ECPAS: variants seen among roughly 807,000 people sequenced by gnomAD.
The protein encoded by ECPAS is proteasome adapter and scaffold protein ECM29.
ECPAS carries 70 observed loss-of-function variants against 255.1 expected under a neutral mutation model. The observed-to-expected ratio is 0.27, with a 90% CI of 0.23 to 0.33. The LOEUF (loss-of-function observed/expected upper bound fraction) is 0.33, where lower values mean the gene tolerates loss of function less well. Among genes scored for constraint, ECPAS ranks in the 10% least tolerant of loss-of-function variants. ECPAS has a pLI of 1.00. For missense variants in ECPAS, 1,817 were observed against 2,206.4 expected, an observed-to-expected ratio of 0.82 and a Z score of 3.54; for synonymous variants, 784 against 775.0, an observed-to-expected ratio of 1.01 and a Z score of -0.19.
At chr9:111,423,800 T>C (rs2098217687) in intron 12 of ECPAS, among the ~76,000 whole-genome samples, 1 of 152,220 alleles carries the variant, frequency 6.6e-6, no homozygotes, top group Non-Finnish European at 1.5e-5. Flanking sequence ...TGAGGTTCTC[T>C]CCTCAAGATA....
chr9:111,407,271 G>A (rs189026762), intron 24 of ECPAS, among the ~76,000 whole-genome samples: 80 of 146,526 alleles, frequency 5.5e-4, no homozygotes, highest in South Asian at 2.8e-3. Flanking sequence ...GTGTGGTGGC[G>A]TGCGCTTGTA....
In ECPAS at chr9:111,416,313, C is replaced by T. The variant is rs984912694; in HGVS notation, c.1723G>A (p.Gly575Arg). The change falls in exon 18 of 50, where the codon GGG becomes AGG. Residue 575 changes from glycine (G) to arginine (R), a missense_variant. Transcript: ENST00000684092. ...GGGTTAAATGGAAGGACAGTGGTCC[C>T]GGTCATGTACTTGACTGGAGTTTTC... The part of the protein sequence containing the change: ...RMKTPVKYMT[G>R]TTVLPFNPAA... The T allele has an allele frequency of 5.0e-6, 8 of 1,613,602 alleles. No homozygotes were observed. Among genetic ancestry groups the T allele is most frequent in the Middle Eastern group, 1.7e-4 (1 of 6,060 alleles).
At chr9:111,372,281 A>C in intron 42 of ECPAS, 148 bp downstream of exon 42, 1 of 756,532 alleles carries the variant, frequency 1.3e-6, no homozygotes, top group Non-Finnish European at 2.2e-6. Context: ...AAATGGGATG[A>C]GCAATTTGGA....
Position 111,400,075 on chromosome 9 carries a change from G to A in ECPAS, c.2653-2922C>T, listed in dbSNP as rs754939728. On this transcript the variant is annotated intron_variant, in intron 24 of 49. Transcript: ENST00000684092. ...TGGAGAGACACTCCCTCTACCTGGG[G>A]GAGAGAGAGGGAAGAGAGCAAGAAA... Among the ~76,000 whole-genome samples the A allele has an allele frequency of 5.3e-5, 8 of 152,196 alleles. 1 individual carries two copies. Among genetic ancestry groups the A allele is most frequent in the Non-Finnish European group, 8.8e-5 (6 of 68,046 alleles).
intron 48 of ECPAS, among the ~76,000 whole-genome samples, chr9:111,364,623 T>C (rs772985092): frequency 6.6e-6 from 1 of 152,156 alleles, no homozygotes; most frequent in Non-Finnish European, 1.5e-5. Flanking sequence ...GAAGAAATTT[T>C]AAAGAAGAGA....
chr9:111,424,833 G>C (rs1391685286), intron 12 of ECPAS, among the ~76,000 whole-genome samples: 2 of 152,132 alleles, frequency 1.3e-5, no homozygotes, highest in Non-Finnish European at 2.9e-5. Flanking sequence ...TTGCACAATA[G>C]CTAGAAGTAG....
intron 24 of ECPAS, among the ~76,000 whole-genome samples, chr9:111,403,202 A>AAAG (rs2098178852): frequency 6.6e-6 from 1 of 151,560 alleles, no homozygotes; most frequent in South Asian, 2.1e-4. Context: ...AAAAAAAAAA[A>AAAG]AAAAAAAATT....
chr9:111,391,159 C>A (rs191915777), intron 29 of ECPAS, among the ~76,000 whole-genome samples: 8 of 152,254 alleles, frequency 5.3e-5, no homozygotes, highest in African/African-American at 1.9e-4. Context: ...AGCAGTTCCG[C>A]CCCTCCCTCA....
rs1008364531 is a variant in ECPAS, at chr9:111,470,225, G to C, written c.22+2672C>G. The stretch of plus-strand genomic sequence containing the variant: ...AGTCTGTCCCCCAAGGGCCCAGGCA[G>C]ATACCCTAATCTGGAAACCCTTGCA... On this transcript the variant is annotated intron_variant, in intron 2 of 49. Transcript: ENST00000684092. 3.2e-4 allele frequency among the ~76,000 whole-genome samples: 49 copies of C among 152,100 alleles called. 2 individuals carry two copies. The highest frequency in any genetic ancestry group is 4.4e-5 in the Non-Finnish European group (3 of 68,024).
intron 17 of ECPAS, 92 bp from the exon 18 acceptor site, chr9:111,416,444 C>T: frequency 1.1e-6 from 1 of 899,124 alleles, no homozygotes; most frequent in South Asian, 1.4e-5. Context: ...TTTCTAGCTA[C>T]ATGTCCTAAG....
At chr9:111,390,128 C>T (rs41316540) in intron 29 of ECPAS, 27 bp from the exon 30 acceptor site, 95,688 of 1,311,448 alleles carry the variant, frequency 0.073, 4,261 homozygotes, top group East Asian at 0.19. Flanking sequence ...AAGAGGTAGG[C>T]AATAATACAC....
intron 38 of ECPAS, among the ~76,000 whole-genome samples, chr9:111,374,696 G>A (rs572441168): frequency 1.3e-5 from 2 of 152,274 alleles, no homozygotes; most frequent in South Asian, 2.1e-4. Flanking sequence ...TGTTAAAAGG[G>A]TGGTAGGGGG....
intron 2 of ECPAS, among the ~76,000 whole-genome samples, chr9:111,464,788 G>C (rs1564563820): frequency 6.6e-6 from 1 of 152,026 alleles, no homozygotes; most frequent in Non-Finnish European, 1.5e-5. Context: ...GAGGGAAGGA[G>C]GGGAGGAGGA....
intron 35 of ECPAS, among the ~76,000 whole-genome samples, chr9:111,380,352 TTTG>T (rs2098139087): frequency 6.6e-6 from 1 of 152,178 alleles, no homozygotes; most frequent in Non-Finnish European, 1.5e-5. Context: ...TTTTTGTTTG[TTTG>T]TTTTTTGTTT....
chr9:111,443,728 CA>C (rs1390090330), intron 4 of ECPAS, among the ~76,000 whole-genome samples: 2 of 152,112 alleles, frequency 1.3e-5, no homozygotes, highest in Non-Finnish European at 2.9e-5. Flanking sequence ...TAACAGGCTC[CA>C]AAAGGTTTGT....
At position 111,373,394 on chromosome 9, in the gene ECPAS, C is replaced by G; in HGVS notation, c.4190G>C (p.Ser1397Thr). The G allele has an allele frequency of 1.9e-6, 3 of 1,613,464 alleles. No homozygotes were observed. Among genetic ancestry groups the G allele is most frequent in the Non-Finnish European group, 2.5e-6 (3 of 1,179,656 alleles). Residue 1397 changes from serine (S) to threonine (T), a missense_variant, in exon 40 of 50, where the codon AGT becomes ACT. Physicochemically the swap from Ser to Thr is moderately conservative, Grantham distance 58. This residue lies in a region of ECPAS where 960 missense variants were observed against 1,179.0 expected (regional missense o/e 0.81). Transcript: ENST00000684092. ...ATCTGTCAGGCCACTCAGCAAAGCA[C>G]TCATAAGTTTACCTACCAGAAATAA... ...DLTPYSGKLM[S>T]ALLSGLTDRN...
intron 3 of ECPAS, among the ~76,000 whole-genome samples, chr9:111,450,629 T>TA (rs1178095826): frequency 6.6e-6 from 1 of 152,104 alleles, no homozygotes; most frequent in Non-Finnish European, 1.5e-5. Flanking sequence ...ACAGTTTCGT[T>TA]AAAAAATGAA....
intron 17 of ECPAS, 106 bp from the exon 18 acceptor site, chr9:111,416,458 G>T: frequency 1.3e-6 from 1 of 796,662 alleles, no homozygotes; most frequent in Non-Finnish European, 2.1e-6. Flanking sequence ...TCCTAAGTTT[G>T]CTTCTTTTTC....
At chr9:111,479,003 CAA>C (rs1564573012) in intron 1 of ECPAS, among the ~76,000 whole-genome samples, 1 of 152,128 alleles carries the variant, frequency 6.6e-6, no homozygotes, top group Non-Finnish European at 1.5e-5. Context: ...GACTATGGTG[CAA>C]AGAGGTAAGA....
Sources: allele counts gnomAD v4.1 joint callset (sites outside exome capture counted in the v4.1 genomes callset), GRCh38; gene constraint gnomAD v4.1.1; regional missense constraint gnomAD v4.1.1; transcripts MANE v1.5; gene names NCBI Gene and HGNC (gene_info 2026-07-23, HGNC 2026-07-21).